Variants in GLIS3 observed in about 807,000 individuals in gnomAD.
GLIS3 encodes the protein zinc finger protein GLIS3.
A neutral mutation model predicts 78.6 loss-of-function variants in GLIS3; 53 were observed. That is an observed-to-expected ratio of 0.67 (90% CI 0.54 to 0.85). GLIS3 has a LOEUF of 0.85. Ranked by LOEUF, GLIS3 falls within the 40% of genes least tolerant of loss-of-function variation. The pLI, the probability that GLIS3 is intolerant of heterozygous loss-of-function variation, is 0.00. For synonymous variants in GLIS3, 684 were observed against 509.9 expected (o/e 1.34, Z -4.60); for missense variants, 1,703 against 1,231.1 (o/e 1.38, Z -5.74).
At chr9:3,884,333 G>T (rs143646530) in intron 7 of GLIS3, among the ~76,000 whole-genome samples, 119 of 152,254 alleles carry the variant, frequency 7.8e-4, no homozygotes, top group South Asian at 3.1e-3. Flanking sequence ...GCTACTATAG[G>T]CATTGCTTGG....
Position 3,956,899 on chromosome 9 carries a change from C to G in GLIS3, c.1711-19710G>C, listed in dbSNP as rs533037512. 5.9e-5 allele frequency among the ~76,000 whole-genome samples: 9 copies of G among 152,318 alleles called. 1 individual carries two copies. In the South Asian group the frequency reaches 1.9e-3, roughly 32 times the overall value. ...CTTCTGCCTCAACTCTCAGGCACATCAATAACAAGAACAATCTACACTTAC... is the reference window on the plus strand; with the variant it reads ...CTTCTGCCTCAACTCTCAGGCACATGAATAACAAGAACAATCTACACTTAC... On this transcript the variant is annotated intron_variant, in intron 4 of 10. Coordinates refer to ENST00000381971, the MANE Select transcript of GLIS3 (RefSeq NM_001042413.2).
At position 4,286,332 on chromosome 9, in the gene GLIS3, G is replaced by T. The variant is rs753993867; in HGVS notation, c.94C>A (p.Arg32=). Residue 32 remains arginine, a synonymous_variant, in exon 2 of 11, where the codon CGA becomes AGA. Coordinates refer to ENST00000381971, the MANE Select transcript of GLIS3 (RefSeq NM_001042413.2). ...GGGCCAGGAGTCCCGGAGTGGGCTC[G>T]GATGGCAGGAATGTGATGACCACTG... The part of the protein sequence containing the change: ...MVSGHHIPAI[R]AHSGTPGPSP... 3 of 1,614,090 alleles carry T rather than the reference G, an allele frequency of 1.9e-6. No homozygotes were observed. Among genetic ancestry groups the T allele is most frequent in the Non-Finnish European group, 1.7e-6 (2 of 1,180,046 alleles).
At chr9:4,007,175 G>A (rs757652968) in intron 4 of GLIS3, among the ~76,000 whole-genome samples, 11 of 152,158 alleles carry the variant, frequency 7.2e-5, no homozygotes, top group Non-Finnish European at 1.6e-4. Flanking sequence ...ACAGTGCTTG[G>A]TTCAGCCGTG....
Position 4,118,110 on chromosome 9 carries a change from T to TTGGGGCGGCGGCAGAGGA in GLIS3, c.1367_1368insTCCTCTGCCGCCGCCCCA (p.Pro456_Gly457insProLeuProProProGln), listed in dbSNP as rs771765566. The TTGGGGCGGCGGCAGAGGA allele has an allele frequency of 4.2e-6, 5 of 1,178,676 alleles. No homozygotes were observed. Among genetic ancestry groups the TTGGGGCGGCGGCAGAGGA allele is most frequent in the Non-Finnish European group, 5.9e-6 (5 of 854,686 alleles). The allele number at this position is 1,178,676 out of a possible 1,614,324, so 73.0% of individuals were successfully genotyped here. On this transcript the variant is annotated inframe_insertion, in exon 4 of 11. Transcript: ENST00000381971. This position sits in a 1 kb window ranked among gnomAD's most constrained non-coding sequence, Gnocchi z 4.7. ...GGGCATGGTAAGGGGGTGGGGGGCC[T>TTGGGGCGGCGGCAGAGGA]GGGGGCGGCGGCAGAGGAGGGAGCG... is the stretch of plus-strand genomic sequence containing the variant.
intron 2 of GLIS3, among the ~76,000 whole-genome samples, chr9:4,253,791 G>A (rs1489037869): frequency 3.3e-5 from 5 of 152,154 alleles, no homozygotes; most frequent in African/African-American, 9.7e-5. Context: ...TGGGAAAAGC[G>A]CAGTATCTGG....
intron 4 of GLIS3, among the ~76,000 whole-genome samples, chr9:4,103,818 C>G (rs112569804): frequency 3.9e-4 from 59 of 152,256 alleles, no homozygotes; most frequent in African/African-American, 1.3e-3. Flanking sequence ...GAAGCATAAA[C>G]ACAAGTATAT....
the GLIS3 span, among the ~76,000 whole-genome samples, chr9:4,392,776 C>T: frequency 1.3e-5 from 2 of 152,144 alleles, no homozygotes; most frequent in Non-Finnish European, 2.9e-5. Flanking sequence ...CTCAGAGTAG[C>T]CCTATTCTCT....
intron 4 of GLIS3, among the ~76,000 whole-genome samples, chr9:4,068,910 T>C (rs1827341664): frequency 6.6e-6 from 1 of 151,954 alleles, no homozygotes; most frequent in African/African-American, 2.4e-5. Flanking sequence ...TAAATCCTGG[T>C]CTGTCCACTG....
chr9:3,913,886 T>C (rs1824313482), intron 6 of GLIS3, among the ~76,000 whole-genome samples: 1 of 152,188 alleles, frequency 6.6e-6, no homozygotes. Context: ...AGGTACTCTA[T>C]AAATGTTTAG....
At chr9:3,860,544 C>CCCTGAGTAGACCCTGAGTAGCTCCCA (rs1197890359) in intron 8 of GLIS3, among the ~76,000 whole-genome samples, 1 of 152,032 alleles carries the variant, frequency 6.6e-6, no homozygotes, top group Non-Finnish European at 1.5e-5. Context: ...CCAACTGAGA[C>CCCTGAGTAGACCCTGAGTAGCTCCCA]ACGTAGACCC....
At chr9:4,255,104 G>A (rs540144865) in intron 2 of GLIS3, among the ~76,000 whole-genome samples, 2 of 152,274 alleles carry the variant, frequency 1.3e-5, no homozygotes, top group South Asian at 2.1e-4. Context: ...ATAAGCATAT[G>A]AGAAGATCTG....
intron 4 of GLIS3, among the ~76,000 whole-genome samples, chr9:4,088,915 T>C (rs796321413): frequency 1.6e-4 from 25 of 152,362 alleles, no homozygotes; most frequent in African/African-American, 6.0e-4. Context: ...CCAAAAGGCC[T>C]GTCTTCATTC....
intron 2 of GLIS3, among the ~76,000 whole-genome samples, chr9:4,207,413 C>T (rs1181845659): frequency 6.6e-6 from 1 of 152,152 alleles, no homozygotes; most frequent in Non-Finnish European, 1.5e-5. Context: ...GGAAAAGAAA[C>T]ATTTGCAGGA....
intron 4 of GLIS3, among the ~76,000 whole-genome samples, chr9:4,040,799 G>C (rs1291743929): frequency 1.3e-5 from 2 of 152,196 alleles, no homozygotes; most frequent in African/African-American, 4.8e-5. Flanking sequence ...AAGTGGTGCT[G>C]TCAACTGGGT....
chr9:3,855,822 C>G, intron 9 of GLIS3, 187 bp downstream of exon 9: 3 of 670,974 alleles, frequency 4.5e-6, no homozygotes, highest in South Asian at 1.7e-5. Flanking sequence ...ATACCATCAT[C>G]AGGCCAAAGT....
At chr9:4,272,658 C>G (rs150197229) in intron 2 of GLIS3, among the ~76,000 whole-genome samples, 59 of 152,274 alleles carry the variant, frequency 3.9e-4, no homozygotes, top group African/African-American at 1.3e-3. Flanking sequence ...CTAGAATAAC[C>G]AGAAACTTGT....
chr9:3,971,776 G>A (rs1458686471), intron 4 of GLIS3, among the ~76,000 whole-genome samples: 2 of 152,140 alleles, frequency 1.3e-5, no homozygotes, highest in African/African-American at 4.8e-5. Context: ...ATTGGCTCCA[G>A]CAATTAAATC....
intron 7 of GLIS3, 32 bp downstream of exon 7, chr9:3,898,659 G>A (rs1336646852): frequency 6.2e-7 from 1 of 1,613,914 alleles, no homozygotes; most frequent in Non-Finnish European, 8.5e-7. Flanking sequence ...AAAAAGGGTA[G>A]TTGTGGTTGG....
the GLIS3 span, among the ~76,000 whole-genome samples, chr9:4,404,936 A>T: frequency 6.6e-6 from 1 of 152,364 alleles, no homozygotes; most frequent in Non-Finnish European, 1.5e-5. Flanking sequence ...CAAAAAGTTA[A>T]TATTTTGAAA....
Sources: gnomAD v4.1 joint callset for allele counts (sites outside exome capture counted in the v4.1 genomes callset) on GRCh38, gnomAD v4.1.1 for gene constraint, Gnocchi (gnomAD v3.1) non-coding constraint, MANE v1.5 for transcripts, NCBI Gene and HGNC (gene_info 2026-07-23, HGNC 2026-07-21) for gene names.